The following LMF1 variants were observed in gnomAD, a reference collection of about 807,000 sequenced individuals.
The protein encoded by LMF1 is transmembrane protein 112.
A neutral mutation model predicts 60.6 loss-of-function variants in LMF1; 68 were observed. The ratio of observed to expected loss-of-function variants is 1.12; its 90% confidence interval spans 0.92 to 1.37. The LOEUF is 1.37. Ranked by LOEUF, LMF1 falls within the 40% of genes most tolerant of loss-of-function variation. LMF1 has a pLI of 0.00. For synonymous variants in LMF1, 418 were observed against 324.7 expected, an observed-to-expected ratio of 1.29 and a Z score of -3.09; for missense variants, 948 against 767.2, an observed-to-expected ratio of 1.24 and a Z score of -2.78.
intron 5 of LMF1, among the ~76,000 whole-genome samples, chr16:885,846 T>C (rs1183676155): frequency 1.3e-5 from 2 of 151,988 alleles, no homozygotes; most frequent in East Asian, 1.9e-4. Flanking sequence ...TACAGAAGAG[T>C]TGAAAAACAC....
At chr16:858,417 A>G (rs1348431807) in intron 10 of LMF1, among the ~76,000 whole-genome samples, 2 of 33,196 alleles carry the variant, frequency 6.0e-5, no homozygotes, top group Non-Finnish European at 4.9e-5. Context: ...GTGTCACGGG[A>G]CGGGTGTGAG....
intron 10 of LMF1, among the ~76,000 whole-genome samples, chr16:860,960 C>T (rs534656917): frequency 1.9e-4 from 29 of 152,134 alleles, no homozygotes; most frequent in African/African-American, 6.3e-4. Flanking sequence ...TGCTCCTTTA[C>T]ATTTCCATAG....
intron 4 of LMF1, among the ~76,000 whole-genome samples, chr16:894,445 C>T (rs1340186685): frequency 3.3e-5 from 5 of 151,198 alleles, no homozygotes; most frequent in East Asian, 2.0e-4. Flanking sequence ...CCTGGCCGTC[C>T]GCCCACCCAT....
Position 882,688 on chromosome 16 carries a change from A to C in LMF1, c.730-2951T>G, listed in dbSNP as rs150756154. Among the ~76,000 whole-genome samples the C allele has an allele frequency of 4.8e-3, 714 of 148,318 alleles. 6 individuals carry two copies. The highest frequency in any genetic ancestry group is 0.017 in the African/African-American group (673 of 39,992). ...AGGACCAGGAGAAAGAGAAGCCAGC[A>C]AGCAGGGCCCATCGCAGGACCAGGA... On this transcript the variant is annotated intron_variant, in intron 5 of 10. Coordinates refer to ENST00000262301, the MANE Select transcript of LMF1 (RefSeq NM_022773.4).
At chr16:876,721 G>A (rs1036309975) in intron 6 of LMF1, among the ~76,000 whole-genome samples, 10 of 151,464 alleles carry the variant, frequency 6.6e-5, no homozygotes, top group Admixed American at 1.3e-4. Flanking sequence ...GGACAGAGGC[G>A]GGCTGGGCGG....
At chr16:960,381 AGCACGGGATCACGACCCAG>A (rs2072801373) in intron 1 of LMF1, among the ~76,000 whole-genome samples, 1 of 98,468 alleles carries the variant, frequency 1.0e-5, no homozygotes, top group Admixed American at 1.1e-4. Context: ...TCACGGTGAC[AGCACGGGATCACGACCCAG>A]ACACAGACTC....
chr16:938,180 G>A (rs762704575), intron 2 of LMF1, among the ~76,000 whole-genome samples: 19 of 152,260 alleles, frequency 1.2e-4, no homozygotes, highest in Middle Eastern at 3.2e-3. Flanking sequence ...CGGGGTGCCA[G>A]CTAGCACTGG....
intron 10 of LMF1, among the ~76,000 whole-genome samples, chr16:856,388 G>A (rs2069185282): frequency 6.6e-6 from 1 of 152,204 alleles, no homozygotes; most frequent in Admixed American, 6.5e-5. Flanking sequence ...GGCCGTGAGG[G>A]CGCTGGGCTG....
chr16:880,990 GACA>G (rs1298243124), intron 5 of LMF1, among the ~76,000 whole-genome samples: 5 of 152,210 alleles, frequency 3.3e-5, no homozygotes, highest in Non-Finnish European at 5.9e-5. Flanking sequence ...CCCCACTAGG[GACA>G]ACAATGAACA....
chr16:892,960 C>T lies in LMF1; in HGVS notation c.729+47G>A, dbSNP rs1483108845. 47 of 1,435,606 alleles carry T rather than the reference C, an allele frequency of 3.3e-5. 1 individual carries two copies. In the East Asian group the frequency reaches 4.8e-4, roughly 15 times the overall value. 88.9% of individuals were successfully genotyped at this position (1,435,606 alleles called of 1,614,324 possible). A position where few individuals can be genotyped will look rare whatever the true frequency, so the allele number is the denominator to read the frequency against. ...AGCCCCGCCAAGAGTGGGAACGGGG[C>T]GGCGTGAGACCGGGTGCCCTGCCCT... On this transcript the variant is annotated intron_variant, in intron 5 of 10. Coordinates refer to ENST00000262301, the MANE Select transcript of LMF1 (RefSeq NM_022773.4).
intron 3 of LMF1, among the ~76,000 whole-genome samples, chr16:923,159 T>C (rs1196278677): frequency 6.6e-6 from 1 of 152,138 alleles, no homozygotes; most frequent in Non-Finnish European, 1.5e-5. Flanking sequence ...TGCAAAGGCC[T>C]GTCTTCAGGT....
At position 893,016 on chromosome 16, in the gene LMF1, G is replaced by A; in HGVS notation, c.720C>T (p.Phe240=). The part of the protein sequence containing the change: ...RCWRDLTCMD[F]HYETQPMPNP... ...TGCACGGCACGCTCACCTCATAGTG[G>A]AAGTCCATGCAGGTGAGGTCTCGCC... The change falls in exon 5 of 11, where the codon TTC becomes TTT. Residue 240 remains phenylalanine, a synonymous_variant. Transcript: ENST00000262301. 6.5e-7 allele frequency: 1 copy of A among 1,550,370 alleles called. No individual in the cohort carries two copies. Among genetic ancestry groups the A allele is most frequent in the Non-Finnish European group, 8.7e-7 (1 of 1,146,758 alleles).
At chr16:931,462 T>C (rs1191815723) in intron 3 of LMF1, among the ~76,000 whole-genome samples, 1 of 152,228 alleles carries the variant, frequency 6.6e-6, no homozygotes, top group African/African-American at 2.4e-5. Flanking sequence ...GTCACTGAGA[T>C]GGACACAGAC....
chr16:974,897 C>A (rs925001172), upstream of LMF1, among the ~76,000 whole-genome samples: 18 of 152,212 alleles, frequency 1.2e-4, no homozygotes, highest in African/African-American at 4.1e-4. Flanking sequence ...CCCAATTTTT[C>A]ATGTCCTGAA....
intron 1 of LMF1, chr16:976,736 G>C (rs556149409): frequency 1.3e-5 from 6 of 454,040 alleles, no homozygotes; most frequent in African/African-American, 1.2e-4. Context: ...TGAGCAGCAG[G>C]AGCACAGCTG....
At chr16:951,898 G>A (rs771062191) in intron 2 of LMF1, among the ~76,000 whole-genome samples, 1 of 152,260 alleles carries the variant, frequency 6.6e-6, no homozygotes, top group African/African-American at 2.4e-5. Flanking sequence ...TGAACGTGAT[G>A]TGCGGGGGAG....
At chr16:870,213 A>C (rs1462944993) in intron 8 of LMF1, 147 bp from the exon 9 acceptor site, 13 of 918,758 alleles carry the variant, frequency 1.4e-5, no homozygotes, top group Non-Finnish European at 2.1e-5. Context: ...GGGGCTACTG[A>C]GAGGCTGGGT....
chr16:964,951 C>T (rs1268845012), intron 1 of LMF1, among the ~76,000 whole-genome samples: 1 of 152,242 alleles, frequency 6.6e-6, no homozygotes, highest in Non-Finnish European at 1.5e-5. Flanking sequence ...GAACAGACGC[C>T]ACAGTGCGGC....
chr16:940,983 G>A (rs1300365332), intron 2 of LMF1, among the ~76,000 whole-genome samples: 1 of 152,162 alleles, frequency 6.6e-6, no homozygotes, highest in Non-Finnish European at 1.5e-5. Context: ...GGTTCAGTAT[G>A]TGGTGCCTTT....
Sources: allele counts gnomAD v4.1 joint callset (sites outside exome capture counted in the v4.1 genomes callset), GRCh38; gene constraint gnomAD v4.1.1; transcripts MANE v1.5; gene names NCBI Gene and HGNC (gene_info 2026-07-23, HGNC 2026-07-21).